Variants in NEAT1 observed in about 807,000 individuals in gnomAD.
NEAT1 encodes the protein MENepsilon/beta.
At chr11:65,445,180 G>A (rs960013415) in exon 1 of NEAT1, 2 of 152,362 alleles carry the variant, frequency 1.3e-5, no homozygotes, top group African/African-American at 4.8e-5. Context: ...CTCTGCTCGT[G>A]AAGGCAGAGG....
chr11:65,438,876 C>T (rs1414219298), exon 1 of NEAT1: 1 of 152,148 alleles, frequency 6.6e-6, no homozygotes, highest in Non-Finnish European at 1.5e-5. Context: ...TTTGTGTGAA[C>T]ATATGTTTTC....
chr11:65,436,292 G>C (rs1446755400), exon 1 of NEAT1: 1 of 152,240 alleles, frequency 6.6e-6, no homozygotes, highest in Non-Finnish European at 1.5e-5. Flanking sequence ...TGCTGTCCCT[G>C]TTACTCTTCT....
exon 1 of NEAT1, chr11:65,429,516 G>GTA (rs1565630873): frequency 1.3e-5 from 2 of 151,698 alleles, no homozygotes; most frequent in Non-Finnish European, 2.9e-5. Context: ...GTGTGTGTGT[G>GTA]TGTATGATTT....
exon 1 of NEAT1, chr11:65,426,970 G>A (rs772399463): frequency 6.6e-6 from 1 of 152,072 alleles, no homozygotes; most frequent in Non-Finnish European, 1.5e-5. Context: ...CTGGGATTTG[G>A]GTCTAAGTGT....
chr11:65,432,027 A>G (rs1856617891), exon 1 of NEAT1: 1 of 152,086 alleles, frequency 6.6e-6, no homozygotes, highest in Non-Finnish European at 1.5e-5. Context: ...AAGGTATTTT[A>G]GTTGTCTTAG....
exon 1 of NEAT1, chr11:65,431,980 G>T (rs746816117): frequency 1.6e-4 from 24 of 152,250 alleles, no homozygotes; most frequent in Non-Finnish European, 2.5e-4. Flanking sequence ...TCATATCCAA[G>T]AAATCCTTGC....
chr11:65,427,271 C>T (rs1330549257), exon 1 of NEAT1: 2 of 152,400 alleles, frequency 1.3e-5, no homozygotes, highest in East Asian at 1.9e-4. Context: ...CACTGCCAGC[C>T]TCTGTGCTGA....
chr11:65,443,651 A>G (rs1856735779), exon 1 of NEAT1: 2 of 152,182 alleles, frequency 1.3e-5, no homozygotes, highest in Non-Finnish European at 2.9e-5. Context: ...CTACAGTCAC[A>G]AATATCTTTG....
chr11:65,431,271 CCATT>C (rs1248227957), exon 1 of NEAT1: 2 of 151,808 alleles, frequency 1.3e-5, no homozygotes, highest in African/African-American at 4.8e-5. Context: ...TTTTTTTTAT[CCATT>C]CATCCATTAG....
In NEAT1 at chr11:65,428,081, A is replaced by C. The variant is rs532792178; in HGVS notation, n.5284A>C. ...CCTCAGATCAGGTGAGATCGACAGG[A>C]GGTGTTGATGGCAGTGCCAGCAATT... On this transcript the variant is annotated non_coding_transcript_exon_variant, in exon 1 of 1. Transcript: ENST00000501122. The C allele has an allele frequency of 3.3e-5, 5 of 152,268 alleles. No individual in the cohort carries two copies. In the East Asian group the frequency reaches 9.6e-4, roughly 29 times the overall value. The allele number at this position is 152,268 out of a possible 1,614,324, so 9.4% of individuals were successfully genotyped here. A position where few individuals can be genotyped will look rare whatever the true frequency, so the allele number is the denominator to read the frequency against.
At chr11:65,437,195 G>GTATATATA (rs71840262) in exon 1 of NEAT1, 1 of 129,038 alleles carries the variant, frequency 7.7e-6, no homozygotes, top group East Asian at 2.1e-4. Context: ...ATATATATAT[G>GTATATATA]TATATATATA....
At chr11:65,445,216 T>A (rs1208215760) in exon 1 of NEAT1, 1 of 152,234 alleles carries the variant, frequency 6.6e-6, no homozygotes, top group Non-Finnish European at 1.5e-5. Flanking sequence ...GGCCAGCACC[T>A]TCTCACCTGT....
chr11:65,440,288 G>C (rs1856701804), exon 1 of NEAT1: 1 of 151,504 alleles, frequency 6.6e-6, no homozygotes. Context: ...TCCTAGGCCT[G>C]AGTTTTATTT....
exon 1 of NEAT1, chr11:65,444,523 G>T (rs368138070): frequency 2.7e-4 from 136 of 495,862 alleles, no homozygotes; most frequent in African/African-American, 2.3e-3. Context: ...GGCTCCAGGG[G>T]CCCTCCCTCC....
chr11:65,433,701 T>C (rs1856633047), exon 1 of NEAT1: 1 of 151,894 alleles, frequency 6.6e-6, no homozygotes, highest in South Asian at 2.1e-4. Flanking sequence ...CTTATAATTT[T>C]CTTTTTTTTT....
exon 1 of NEAT1, chr11:65,427,002 A>G (rs538806200): frequency 7.2e-5 from 11 of 152,234 alleles, no homozygotes; most frequent in Admixed American, 6.5e-4. Flanking sequence ...TTACCTCACT[A>G]AAGAATTTGC....
exon 1 of NEAT1, chr11:65,426,976 A>G (rs1195979408): frequency 6.6e-6 from 1 of 152,152 alleles, no homozygotes. Flanking sequence ...TTTGGGTCTA[A>G]GTGTATGCGT....
chr11:65,428,834 TAAAA>T (rs35808079), exon 1 of NEAT1: 1 of 146,486 alleles, frequency 6.8e-6, no homozygotes, highest in Non-Finnish European at 1.5e-5. Flanking sequence ...TTCTAATATG[TAAAA>T]AAAAAAAGTT....
chr11:65,444,623 C>T, exon 1 of NEAT1: 5 of 434,738 alleles, frequency 1.2e-5, no homozygotes, highest in South Asian at 8.1e-5. Flanking sequence ...GAGGCAGAGC[C>T]TGAGCCAACA....
Sources: allele counts gnomAD v4.1 joint callset, GRCh38; gene constraint gnomAD v4.1.1; transcripts MANE v1.5; gene names NCBI Gene and HGNC (gene_info 2026-07-23, HGNC 2026-07-21).